The following MEF2B variants were observed in gnomAD, a reference collection of about 807,000 sequenced individuals.
MEF2B encodes the protein myocyte-specific enhancer factor 2B.
In MEF2B, 15 loss-of-function variants were observed where a neutral mutation model predicts 32.2. That is an observed-to-expected ratio of 0.47 (90% CI 0.31 to 0.72). MEF2B has a LOEUF of 0.72. Ranked by LOEUF, MEF2B falls within the 30% of genes least tolerant of loss-of-function variation. The probability of loss-of-function intolerance (pLI) is 0.05; values close to 1 mark genes in which losing one functional copy is unlikely to be tolerated. For synonymous variants in MEF2B, 205 were observed against 225.6 expected, an observed-to-expected ratio of 0.91 and a Z score of 0.82; for missense variants, 441 against 511.5, an observed-to-expected ratio of 0.86 and a Z score of 1.33.
chr19:19,161,413 C>T (rs1277183874), intron 1 of MEF2B, among the ~76,000 whole-genome samples: 5 of 152,046 alleles, frequency 3.3e-5, no homozygotes, highest in Non-Finnish European at 7.4e-5. Flanking sequence ...CCCCCAAATA[C>T]ACAAGTATTC....
Position 19,149,304 on chromosome 19 carries a change from C to A in MEF2B, c.180G>T (p.Thr60=), listed in dbSNP as rs181551265. The part of the protein sequence containing the change: ...SANRLFQYAS[T]DMDRVLLKYT... ...ACTTCAGCAGCACACGGTCCATGTCCGTGCTGGCATACTGGAAGAGGCGGT... is the reference window on the plus strand; with the variant it reads ...ACTTCAGCAGCACACGGTCCATGTCAGTGCTGGCATACTGGAAGAGGCGGT... The change falls in exon 3 of 9, where the codon ACG becomes ACT. Residue 60 remains threonine (T), a synonymous_variant. Coordinates refer to ENST00000424583, the MANE Select transcript of MEF2B (RefSeq NM_001145785.2). 1 of 1,613,878 alleles carries A rather than the reference C, an allele frequency of 6.2e-7. No individual in the cohort carries two copies. Among genetic ancestry groups the A allele is most frequent in the East Asian group, 2.2e-5 (1 of 44,774 alleles).
chr19:19,156,019 G>A (rs1001152569), intron 1 of MEF2B, among the ~76,000 whole-genome samples: 2 of 152,214 alleles, frequency 1.3e-5, no homozygotes, highest in East Asian at 1.9e-4. Flanking sequence ...TGGGGGAGGA[G>A]GCATGTAGTT....
intron 1 of MEF2B, among the ~76,000 whole-genome samples, chr19:19,157,470 C>T (rs1428204499): frequency 1.3e-5 from 2 of 152,204 alleles, no homozygotes; most frequent in Non-Finnish European, 2.9e-5. Context: ...ATCTCAGAGA[C>T]CATTGGCCAA....
intron 2 of MEF2B, 125 bp downstream of exon 2, chr19:19,150,557 G>T: frequency 9.2e-7 from 1 of 1,084,476 alleles, no homozygotes. Context: ...AGGCTGACAT[G>T]GCATCAGGAC....
At chr19:19,160,821 C>G (rs1257586188) in intron 1 of MEF2B, among the ~76,000 whole-genome samples, 1 of 152,110 alleles carries the variant, frequency 6.6e-6, no homozygotes, top group Non-Finnish European at 1.5e-5. Flanking sequence ...CCTCCCCTCT[C>G]CTGGGGGCTC....
chr19:19,166,907 A>C (rs1230132155), intron 1 of MEF2B, among the ~76,000 whole-genome samples: 1 of 151,814 alleles, frequency 6.6e-6, no homozygotes, highest in Non-Finnish European at 1.5e-5. Context: ...CTATAAATAA[A>C]TAAATAAATA....
At position 19,147,045 on chromosome 19, in the gene MEF2B, C is replaced by T. The variant is rs752421135; in HGVS notation, c.532G>A (p.Gly178Arg). 1.1e-5 allele frequency: 17 copies of T among 1,601,388 alleles called. No homozygotes were observed. Among genetic ancestry groups the T allele is most frequent in the Middle Eastern group, 2.2e-4 (1 of 4,642 alleles). The change falls in exon 5 of 9, where the codon GGG (glycine) becomes AGG (arginine). Residue 178 changes from glycine (G) to arginine (R), a missense_variant. Physicochemically the swap from Gly to Arg is moderately radical, Grantham distance 125. Coordinates refer to ENST00000424583, the MANE Select transcript of MEF2B (RefSeq NM_001145785.2). ...SPFRPAAPKA[G>R]PPGLVHPLFS... Reference sequence around the variant, plus strand: ...ACTGTCCCATGCTCACCTGGGGGCCCGGCTTTGGGGGCTGCTGGTCGGAAG... The same window carrying T: ...ACTGTCCCATGCTCACCTGGGGGCCTGGCTTTGGGGGCTGCTGGTCGGAAG...
rs1224777272 is a variant in MEF2B at position 19,169,366 on chromosome 19, GAAAGA to G, written c.-30+834_-30+838del. 4.1e-4 allele frequency among the ~76,000 whole-genome samples: 62 copies of G among 151,784 alleles called. 1 individual carries two copies. Among genetic ancestry groups the G allele is most frequent in the Middle Eastern group, 3.4e-3 (1 of 292 alleles). On this transcript the variant is annotated intron_variant, in intron 1 of 8. Coordinates refer to ENST00000424583, the MANE Select transcript of MEF2B (RefSeq NM_001145785.2). ...GACCCTGTCTCAAAAAAAAAACAAA[GAAAGA>G]AAAGAAAAGAAAAAGAAAATGGGGG...
At chr19:19,169,903 T>G (rs1018262358) in intron 1 of MEF2B, among the ~76,000 whole-genome samples, 3 of 152,058 alleles carry the variant, frequency 2.0e-5, no homozygotes, top group African/African-American at 7.2e-5. Flanking sequence ...TAATAGGGCC[T>G]CACAGCACCA....
intron 1 of MEF2B, among the ~76,000 whole-genome samples, chr19:19,159,491 T>C (rs768260553): frequency 5.9e-4 from 90 of 151,626 alleles, no homozygotes; most frequent in Non-Finnish European, 1.1e-3. Context: ...TAGAGTGAGG[T>C]GACAGGAAGA....
At chr19:19,163,639 G>C (rs2060184671) in intron 1 of MEF2B, among the ~76,000 whole-genome samples, 1 of 151,744 alleles carries the variant, frequency 6.6e-6, no homozygotes, top group Non-Finnish European at 1.5e-5. Flanking sequence ...CTGCCAACTT[G>C]CTCAGTTTTC....
At chr19:19,148,137 C>G (rs181115873) in intron 3 of MEF2B, among the ~76,000 whole-genome samples, 2 of 152,268 alleles carry the variant, frequency 1.3e-5, no homozygotes, top group Non-Finnish European at 2.9e-5. Context: ...CTCCATTCTG[C>G]CCCCACTTGC....
chr19:19,158,468 T>G (rs1323536177), intron 1 of MEF2B, among the ~76,000 whole-genome samples: 2 of 132,232 alleles, frequency 1.5e-5, no homozygotes, highest in East Asian at 2.3e-4. Context: ...AAAAACAAAC[T>G]AGGGCCAGGC....
chr19:19,148,825 C>T (rs972838578), intron 3 of MEF2B, among the ~76,000 whole-genome samples: 3 of 151,968 alleles, frequency 2.0e-5, no homozygotes, highest in African/African-American at 7.2e-5. Flanking sequence ...AATTCTCCTA[C>T]TTCAGCCTCC....
In MEF2B at chr19:19,146,049, C is replaced by T. The variant is rs1458190091; in HGVS notation, c.882-27G>A. ...TGCAGGGGGAAAGAGAGAGGGAGGC[C>T]GTGAGCTCAGCGAGGAAGGGAAGGA... On this transcript the variant is annotated intron_variant, in intron 8 of 8. Transcript: ENST00000424583. The T allele has an allele frequency of 4.3e-6, 6 of 1,405,070 alleles. No individual in the cohort carries two copies. The South Asian group carries it at 4.7e-5, about 11-fold the overall frequency. 87.0% of individuals were successfully genotyped at this position (1,405,070 alleles called of 1,614,324 possible).
At chr19:19,164,549 C>A (rs965711263) in intron 1 of MEF2B, among the ~76,000 whole-genome samples, 1 of 152,230 alleles carries the variant, frequency 6.6e-6, no homozygotes, top group African/African-American at 2.4e-5. Flanking sequence ...TGCGGTGGCT[C>A]ACGCCTGTAA....
intron 1 of MEF2B, among the ~76,000 whole-genome samples, chr19:19,153,290 T>G (rs1357299198): frequency 6.6e-6 from 1 of 152,048 alleles, no homozygotes; most frequent in African/African-American, 2.4e-5. Context: ...CTCTCTGCAC[T>G]GAGACCCTGA....
At chr19:19,164,000 C>T (rs2060187341) in intron 1 of MEF2B, among the ~76,000 whole-genome samples, 1 of 151,808 alleles carries the variant, frequency 6.6e-6, no homozygotes, top group Non-Finnish European at 1.5e-5. Context: ...GGGTTTCGCT[C>T]TTGTTGCCCA....
rs1397835207 is a variant in MEF2B, at chr19:19,159,206, G to A, written c.-29-8442C>T. ...TCCACCAGTCTCGGCCTCCCAAAGT[G>A]CTGGGATTACAGGCGTGAGCCACAG... On this transcript the variant is annotated intron_variant, in intron 1 of 8. Transcript: ENST00000424583. Among the ~76,000 whole-genome samples the A allele has an allele frequency of 2.0e-5, 3 of 147,010 alleles. No homozygotes were observed. In the East Asian group the frequency reaches 6.1e-4, roughly 30 times the overall value.
Sources: allele counts gnomAD v4.1 joint callset (sites outside exome capture counted in the v4.1 genomes callset), GRCh38; gene constraint gnomAD v4.1.1; transcripts MANE v1.5; gene names NCBI Gene and HGNC (gene_info 2026-07-23, HGNC 2026-07-21).